Variants in CSMD1 observed in about 807,000 individuals in gnomAD.
CSMD1 encodes CUB and Sushi multiple domains 1.
In CSMD1, 213 loss-of-function variants were observed where a neutral mutation model predicts 417.5. That is an observed-to-expected ratio of 0.51 (90% CI 0.46 to 0.57). The LOEUF is 0.57. Among genes scored for constraint, CSMD1 ranks in the 20% least tolerant of loss-of-function variants. CSMD1 has a pLI of 0.00. For synonymous variants in CSMD1, 2,862 were observed against 1,736.8 expected (o/e 1.65, Z -16.11); for missense variants, 6,923 against 4,529.7 (o/e 1.53, Z -15.17).
intron 5 of CSMD1, among the ~76,000 whole-genome samples, chr8:3,947,657 T>C (rs193009785): frequency 6.6e-6 from 1 of 152,236 alleles, no homozygotes; most frequent in Non-Finnish European, 1.5e-5. Flanking sequence ...ATTTACAGTT[T>C]AATTATGTTG....
intron 1 of CSMD1, among the ~76,000 whole-genome samples, chr8:4,654,503 C>T (rs75451978): frequency 0.032 from 4,880 of 152,124 alleles, 118 homozygotes; most frequent in East Asian, 0.09. Context: ...AAGTACCAGG[C>T]AATGCATATA....
rs1805238995 is a variant in CSMD1, at chr8:3,310,433, G to A, written c.3632-1930C>T. On this transcript the variant is annotated intron_variant, in intron 23 of 69. Transcript: ENST00000635120. ...TGGGGATGACCACCAGCAAACTAGA[G>A]GCAGAATGACTTGTTGGAGGTGATG... Among the ~76,000 whole-genome samples, 3 of 152,202 alleles carry A rather than the reference G, an allele frequency of 2.0e-5. No individual in the cohort carries two copies. In the South Asian group the frequency reaches 6.2e-4, roughly 31 times the overall value.
rs551915791 is a variant in CSMD1, at chr8:4,335,544, T to TA, written c.415+84408dup. 4.7e-4 allele frequency among the ~76,000 whole-genome samples: 72 copies of TA among 152,206 alleles called. 1 individual carries two copies. The East Asian group carries it at 0.013, about 27-fold the overall frequency. On this transcript the variant is annotated intron_variant, in intron 3 of 69. Coordinates refer to ENST00000635120, the MANE Select transcript of CSMD1 (RefSeq NM_033225.6). ...ATGTAAGAACATCAGCACCAACATC[T>TA]AAATTAGCTTAAAACCTGTCACTAT...
At chr8:4,398,055 A>G (rs1024992680) in intron 3 of CSMD1, among the ~76,000 whole-genome samples, 1 of 152,250 alleles carries the variant, frequency 6.6e-6, no homozygotes, top group Non-Finnish European at 1.5e-5. Context: ...CTCTAGAAAT[A>G]TCAAATAGCT....
At chr8:4,417,917 T>A (rs928321439) in intron 3 of CSMD1, among the ~76,000 whole-genome samples, 1 of 152,114 alleles carries the variant, frequency 6.6e-6, no homozygotes, top group Non-Finnish European at 1.5e-5. Context: ...AAGTATTTGG[T>A]ACTTGCAATA....
chr8:3,598,902 G>A (rs1335987759), intron 8 of CSMD1, among the ~76,000 whole-genome samples: 3 of 152,050 alleles, frequency 2.0e-5, no homozygotes, highest in African/African-American at 7.2e-5. Flanking sequence ...CCAACATAAT[G>A]AAACCCCATC....
At chr8:4,536,043 C>G (rs950528947) in intron 2 of CSMD1, among the ~76,000 whole-genome samples, 15 of 152,102 alleles carry the variant, frequency 9.9e-5, no homozygotes, top group African/African-American at 3.6e-4. Context: ...TTGAAAACAG[C>G]TGAAAATTTC....
At chr8:3,555,886 G>T (rs1330410135) in intron 10 of CSMD1, among the ~76,000 whole-genome samples, 1 of 152,034 alleles carries the variant, frequency 6.6e-6, no homozygotes, top group Non-Finnish European at 1.5e-5. Flanking sequence ...ACTGTTTAGG[G>T]TTCCAGAAGT....
intron 5 of CSMD1, among the ~76,000 whole-genome samples, chr8:3,936,455 C>G (rs924742173): frequency 6.6e-6 from 1 of 152,150 alleles, no homozygotes; most frequent in Non-Finnish European, 1.5e-5. Flanking sequence ...TAATGCAACT[C>G]AGGATTTTAA....
intron 68 of CSMD1, among the ~76,000 whole-genome samples, chr8:2,947,997 T>C (rs1172609993): frequency 3.9e-5 from 6 of 151,976 alleles, no homozygotes; most frequent in Admixed American, 3.9e-4. Context: ...ATAAAAGTCT[T>C]ACAAAATAAG....
chr8:3,343,156 G>T (rs535989723), intron 23 of CSMD1, 138 bp downstream of exon 23: 2 of 643,066 alleles, frequency 3.1e-6, no homozygotes, highest in Non-Finnish European at 5.4e-6. Flanking sequence ...CCAGTCAACA[G>T]AGTACAGAAT....
chr8:3,322,516 G>C (rs995213172), intron 23 of CSMD1, among the ~76,000 whole-genome samples: 2 of 152,178 alleles, frequency 1.3e-5, no homozygotes, highest in African/African-American at 4.8e-5. Context: ...CCAGAAGAGA[G>C]AGCTAATCCA....
At chr8:3,929,092 A>G (rs1809958455) in intron 5 of CSMD1, among the ~76,000 whole-genome samples, 1 of 150,398 alleles carries the variant, frequency 6.6e-6, no homozygotes, top group Admixed American at 6.6e-5. Flanking sequence ...ATAAAGAAAG[A>G]CTTGGAGTGA....
At position 3,953,844 on chromosome 8, in the gene CSMD1, G is replaced by A. The variant is rs948325169; in HGVS notation, c.818+44059C>T. ...TCATTTTCCCTGCAGTTCCTAGAGA[G>A]CCTAATGTTCTGGGTGGTCTCCTGT... On this transcript the variant is annotated intron_variant, in intron 5 of 69. Coordinates refer to ENST00000635120, the MANE Select transcript of CSMD1 (RefSeq NM_033225.6). 1.9e-3 allele frequency among the ~76,000 whole-genome samples: 289 copies of A among 152,252 alleles called. 2 individuals carry two copies. The highest frequency in any genetic ancestry group is 6.3e-3 in the African/African-American group (263 of 41,568).
At chr8:4,152,117 T>G (rs899904102) in intron 3 of CSMD1, among the ~76,000 whole-genome samples, 1 of 152,116 alleles carries the variant, frequency 6.6e-6, no homozygotes, top group Admixed American at 6.5e-5. Context: ...ATACAGGAAA[T>G]TGTATAGAAA....
intron 5 of CSMD1, among the ~76,000 whole-genome samples, chr8:3,815,642 A>C (rs1048740227): frequency 1.5e-5 from 2 of 133,554 alleles, no homozygotes; most frequent in African/African-American, 6.2e-5. Flanking sequence ...TTTTTTTTTT[A>C]ACAAATAAAC....
chr8:4,489,124 C>G (rs1414995469), intron 2 of CSMD1, among the ~76,000 whole-genome samples: 4 of 152,102 alleles, frequency 2.6e-5, no homozygotes, highest in African/African-American at 7.2e-5. Context: ...GTCGGCCAGG[C>G]TGGTCTCAAA....
chr8:4,592,295 T>C (rs1158831327), intron 2 of CSMD1, among the ~76,000 whole-genome samples: 1 of 151,762 alleles, frequency 6.6e-6, no homozygotes, highest in Non-Finnish European at 1.5e-5. Context: ...AAGTGGTATA[T>C]TTACAGTGGT....
intron 1 of CSMD1, among the ~76,000 whole-genome samples, chr8:4,819,949 T>G (rs1380942237): frequency 2.0e-5 from 3 of 152,200 alleles, no homozygotes; most frequent in Admixed American, 6.5e-5. Context: ...AAATATCTAC[T>G]TATCAATCAA....
Sources: allele counts gnomAD v4.1 joint callset (sites outside exome capture counted in the v4.1 genomes callset), GRCh38; gene constraint gnomAD v4.1.1; transcripts MANE v1.5; gene names NCBI Gene and HGNC (gene_info 2026-07-23, HGNC 2026-07-21).